LTBP3: variants seen among roughly 807,000 people sequenced by gnomAD.
LTBP3 encodes the protein latent transforming growth factor beta binding protein 3.
In LTBP3, 97 loss-of-function variants were observed where a neutral mutation model predicts 159.7. That is an observed-to-expected ratio of 0.61 (90% CI 0.52 to 0.72). The LOEUF (loss-of-function observed/expected upper bound fraction) is 0.72, where lower values mean the gene tolerates loss of function less well. Ranked by LOEUF, LTBP3 falls within the 30% of genes least tolerant of loss-of-function variation. LTBP3 has a pLI of 0.00. For missense variants in LTBP3, 1,584 were observed against 1,864.3 expected, an observed-to-expected ratio of 0.85 and a Z score of 2.77; for synonymous variants, 824 against 777.1, an observed-to-expected ratio of 1.06 and a Z score of -1.00.
chr11:65,551,730 G>A (rs957953856), intron 8 of LTBP3, 166 bp from the exon 9 acceptor site: 7 of 944,138 alleles, frequency 7.4e-6, no homozygotes, highest in Non-Finnish European at 1.2e-5. Context: ...TGTTTGCATA[G>A]TAGTCACATG....
rs1394355480 is a variant in LTBP3 at position 65,547,440 on chromosome 11, T to C, written c.2106A>G (p.Glu702=). 1 of 1,613,342 alleles carries C rather than the reference T, an allele frequency of 6.2e-7. No individual in the cohort carries two copies. The highest frequency in any genetic ancestry group is 8.5e-7 in the Non-Finnish European group (1 of 1,179,944). ...RLKASRPPVC[E]DIDECRDPSS... ...TTGGTCTGAATGGGGTCCCCTCACC[T>C]TCGCACACAGGAGGCCGGGAGGCTT... is the stretch of plus-strand genomic sequence containing the variant. The change falls in exon 14 of 28, where the codon GAA becomes GAG. Residue 702 remains glutamate (E), a splice_region_variant and synonymous_variant. Coordinates refer to ENST00000301873, the MANE Select transcript of LTBP3 (RefSeq NM_001130144.3). The surrounding 1 kb of genome is among the most constrained non-coding windows in gnomAD (Gnocchi z 4.6).
chr11:65,540,181 G>A, intron 23 of LTBP3, 28 bp from the exon 24 acceptor site: 6 of 1,538,282 alleles, frequency 3.9e-6, no homozygotes, highest in Admixed American at 2.0e-5. Flanking sequence ...GTGGGTGGGG[G>A]CCGTCACAGC....
intron 1 of LTBP3, among the ~76,000 whole-genome samples, chr11:65,555,270 A>T (rs959881124): frequency 6.6e-6 from 1 of 152,032 alleles, no homozygotes; most frequent in Non-Finnish European, 1.5e-5. Context: ...AGCTCACTCC[A>T]TGGACCAGAA....
intron 1 of LTBP3, among the ~76,000 whole-genome samples, chr11:65,556,777 T>A (rs1301239828): frequency 6.6e-6 from 1 of 152,190 alleles, no homozygotes; most frequent in Non-Finnish European, 1.5e-5. Flanking sequence ...TAAGAGGGGC[T>A]GTTTTGCTGG....
rs1042230664 is a variant in LTBP3, at chr11:65,547,236, C to T, written c.2107+203G>A. Among the ~76,000 whole-genome samples the T allele has an allele frequency of 1.1e-4, 16 of 152,030 alleles. No homozygotes were observed. The highest frequency in any genetic ancestry group is 3.9e-4 in the African/African-American group (16 of 41,420). ...GCAGGCGCCCGTAATCCCAGCTACT[C>T]GGGAGGCTGAGGCAGGAGAATCGCT... On this transcript the variant is annotated intron_variant, in intron 14 of 27. Transcript: ENST00000301873. This position sits in a 1 kb window ranked among gnomAD's most constrained non-coding sequence, Gnocchi z 4.6.
Position 65,552,390 on chromosome 11 carries a change from C to T in LTBP3, c.1203G>A (p.Glu401=), listed in dbSNP as rs1856643776. Residue 401 remains glutamate, a synonymous_variant, in exon 7 of 28, where the codon GAG becomes GAA. Coordinates refer to ENST00000301873, the MANE Select transcript of LTBP3 (RefSeq NM_001130144.3). This position sits in a 1 kb window ranked among gnomAD's most constrained non-coding sequence, Gnocchi z 6.0. ...RTQCIADKPE[E]KSLCFRLVSP... ...TCACCAGGCGGAAACACAGGCTCTT[C>T]TCCTCCGGTTTGTCTGCTGCAGGGG... 1.2e-6 allele frequency: 2 copies of T among 1,613,436 alleles called. No individual in the cohort carries two copies. The highest frequency in any genetic ancestry group is 8.5e-7 in the Non-Finnish European group (1 of 1,179,896).
intron 18 of LTBP3, chr11:65,542,841 G>A: frequency 2.1e-6 from 1 of 487,176 alleles, no homozygotes; most frequent in South Asian, 1.9e-5. Context: ...TGTTTACTGT[G>A]ATCATTGTTA....
intron 16 of LTBP3, chr11:65,544,495 G>A (rs899341992): frequency 6.6e-6 from 1 of 152,328 alleles, no homozygotes; most frequent in Non-Finnish European, 1.5e-5. Flanking sequence ...TGGGTGCGGA[G>A]TGGGACTGGA....
intron 23 of LTBP3, 22 bp from the exon 24 acceptor site, chr11:65,540,175 G>A: frequency 6.5e-7 from 1 of 1,538,056 alleles, no homozygotes; most frequent in South Asian, 1.2e-5. Context: ...GAGGGGGTGG[G>A]TGGGGGCCGT....
rs759612272 is a variant in LTBP3, at chr11:65,552,319, C to T, written c.1274G>A (p.Arg425His). ...CQHPLTTRLT[R>H]QLCCCSVGKA... ...GCCGACACTGCAGCAGCAGAGCTGGCGGGTCAGGCGGGTGGTCAGTGGGTG... is the reference window on the plus strand; with the variant it reads ...GCCGACACTGCAGCAGCAGAGCTGGTGGGTCAGGCGGGTGGTCAGTGGGTG... Residue 425 changes from arginine to histidine, a missense_variant, in exon 7 of 28, where the codon CGC becomes CAC. By Grantham distance (29) the Arg-to-His change is conservative (BLOSUM62 0). Coordinates refer to ENST00000301873, the MANE Select transcript of LTBP3 (RefSeq NM_001130144.3). This position sits in a 1 kb window ranked among gnomAD's most constrained non-coding sequence, Gnocchi z 6.0. 7 of 1,613,798 alleles carry T rather than the reference C, an allele frequency of 4.3e-6. No homozygotes were observed. The highest frequency in any genetic ancestry group is 1.7e-5 in the Admixed American group (1 of 59,996).
chr11:65,550,336 C>T (rs1367410450), intron 11 of LTBP3, among the ~76,000 whole-genome samples: 6 of 151,888 alleles, frequency 4.0e-5, no homozygotes, highest in African/African-American at 1.2e-4. Flanking sequence ...GGCGTGAACC[C>T]GGGAGGTGGA....
At chr11:65,543,719 C>A in intron 16 of LTBP3, 170 bp from the exon 17 acceptor site, 1 of 792,144 alleles carries the variant, frequency 1.3e-6, no homozygotes, top group South Asian at 1.6e-5. Context: ...ACGACCAGGT[C>A]AGGTGCTGCC....
Position 65,547,526 on chromosome 11 carries a change from C to T in LTBP3, c.2020G>A (p.Gly674Ser). 6.2e-7 allele frequency: 1 copy of T among 1,614,030 alleles called. No homozygotes were observed. The highest frequency in any genetic ancestry group is 8.5e-7 in the Non-Finnish European group (1 of 1,179,954). The change falls in exon 14 of 28, where the codon GGC (glycine) becomes AGC (serine). Residue 674 changes from glycine (G) to serine (S), a missense_variant. Transcript: ENST00000301873. This position sits in a 1 kb window ranked among gnomAD's most constrained non-coding sequence, Gnocchi z 4.6. Reference sequence around the variant, plus strand: ...TGACCGGGAAAGTTGATGCAGAAGCCGCCGTCGCCGCACAGGTGGGGCTTG... The same window carrying T: ...TGACCGGGAAAGTTGATGCAGAAGCTGCCGTCGCCGCACAGGTGGGGCTTG... ...CAKPHLCGDG[G>S]FCINFPGHYK...
In LTBP3 at chr11:65,552,908, C is replaced by T; in HGVS notation, c.1138G>A (p.Val380Ile). ...CCTAAACTATGGCCAGGTGGGCAGA[C>T]ACAGCGATAGGAGCCAGGGTTGTTG... ...CLNNPGSYRC[V>I]CPPGHSLGPS... The change falls in exon 6 of 28, where the codon GTC becomes ATC. Residue 380 changes from valine to isoleucine, a missense_variant. Coordinates refer to ENST00000301873, the MANE Select transcript of LTBP3 (RefSeq NM_001130144.3). This position sits in a 1 kb window ranked among gnomAD's most constrained non-coding sequence, Gnocchi z 6.0. 6.2e-7 allele frequency: 1 copy of T among 1,614,226 alleles called. No homozygotes were observed. The highest frequency in any genetic ancestry group is 8.5e-7 in the Non-Finnish European group (1 of 1,180,028).
In LTBP3 at chr11:65,553,861, G is replaced by C. The variant is rs1179547816; in HGVS notation, c.704C>G (p.Pro235Arg). Residue 235 changes from proline to arginine, a missense_variant, in exon 3 of 28, where the codon CCG (proline) becomes CGG (arginine). Around this residue, in one of 6 missense-constraint regions of LTBP3, gnomAD observed 194 missense variants for 198.7 expected, o/e 0.98. Coordinates refer to ENST00000301873, the MANE Select transcript of LTBP3 (RefSeq NM_001130144.3). The surrounding 1 kb of genome is among the most constrained non-coding windows in gnomAD (Gnocchi z 6.5). ...PPVVNVRVHH[P>R]PEASVQVHRI... ...GTGCACCTGGACTGAGGCCTCGGGCGGGTGATGGACGCGCACATTCACCAC... is the reference window on the plus strand; with the variant it reads ...GTGCACCTGGACTGAGGCCTCGGGCCGGTGATGGACGCGCACATTCACCAC... 1.3e-6 allele frequency: 2 copies of C among 1,559,652 alleles called. No individual in the cohort carries two copies. Among genetic ancestry groups the C allele is most frequent in the South Asian group, 2.3e-5 (2 of 86,606 alleles).
At position 65,541,115 on chromosome 11, in the gene LTBP3, C is replaced by T. The variant is rs759289829; in HGVS notation, c.2893+11G>A. On this transcript the variant is annotated intron_variant, in intron 20 of 27. Transcript: ENST00000301873. ...CTGAAGATCTGGGAAGGGGCCTGCC[C>T]GGCTCCTGACCTGAGCTGTAGACTG... The T allele has an allele frequency of 1.4e-5, 23 of 1,610,964 alleles. No individual in the cohort carries two copies. The highest frequency in any genetic ancestry group is 2.2e-5 in the East Asian group (1 of 44,820).
chr11:65,547,993 C>T lies in LTBP3; in HGVS notation c.1773G>A (p.Val591=), dbSNP rs1856454660. ...GGCAGGAGTAGTCAGGGGGGCCCGGCACGCACTCTCCGTGGCCACAGATGT... is the reference window on the plus strand; with the variant it reads ...GGCAGGAGTAGTCAGGGGGGCCCGGTACGCACTCTCCGTGGCCACAGATGT... ...NQNICGHGEC[V]PGPPDYSCHC... is the part of the protein sequence containing the mutation. The change falls in exon 12 of 28, where the codon GTG becomes GTA. Residue 591 remains valine, a synonymous_variant. Coordinates refer to ENST00000301873, the MANE Select transcript of LTBP3 (RefSeq NM_001130144.3). The surrounding 1 kb of genome is among the most constrained non-coding windows in gnomAD (Gnocchi z 4.6). The T allele has an allele frequency of 1.2e-6, 2 of 1,613,708 alleles. No individual in the cohort carries two copies. The highest frequency in any genetic ancestry group is 1.3e-5 in the African/African-American group (1 of 74,876).
At chr11:65,545,543 A>G in intron 16 of LTBP3, 1 of 231,068 alleles carries the variant, frequency 4.3e-6, no homozygotes, top group Non-Finnish European at 8.6e-6. Flanking sequence ...AGGGGTCGTT[A>G]TCACCCTCGC....
At chr11:65,542,150 T>C (rs1474631328) in intron 18 of LTBP3, 1 of 274,016 alleles carries the variant, frequency 3.6e-6, no homozygotes. Flanking sequence ...TGGAATGACT[T>C]CTCGTGCCTT....
Sources: gnomAD v4.1 joint callset for allele counts (sites outside exome capture counted in the v4.1 genomes callset) on GRCh38, gnomAD v4.1.1 for gene constraint, gnomAD v4.1.1 regional missense constraint, Gnocchi (gnomAD v3.1) non-coding constraint, MANE v1.5 for transcripts, NCBI Gene and HGNC (gene_info 2026-07-23, HGNC 2026-07-21) for gene names.